ATOSA: variants seen among roughly 807,000 people sequenced by gnomAD.
ATOSA encodes the protein atos homolog protein A.
chr15:52,610,178 TA>T, the ATOSA span: 1 of 1,614,034 alleles, frequency 6.2e-7, no homozygotes, highest in Non-Finnish European at 8.5e-7. Context: ...TGATGAGTTT[TA>T]AGTTTATGTT....
chr15:52,591,153 A>C, the ATOSA span, among the ~76,000 whole-genome samples: 1 of 152,208 alleles, frequency 6.6e-6, no homozygotes, highest in Non-Finnish European at 1.5e-5. Flanking sequence ...ATTTTCAGCC[A>C]GTTTACTCTT....
chr15:52,672,718 C>A, the ATOSA span, among the ~76,000 whole-genome samples: 2 of 152,148 alleles, frequency 1.3e-5, no homozygotes, highest in African/African-American at 4.8e-5. Context: ...AAGAGAAAAT[C>A]AATTTTTAAG....
At chr15:52,639,513 T>C in the ATOSA span, among the ~76,000 whole-genome samples, 1 of 152,238 alleles carries the variant, frequency 6.6e-6, no homozygotes, top group East Asian at 1.9e-4. Flanking sequence ...TTTAGCATTC[T>C]ATAAATACAA....
At chr15:52,670,077 T>C in the ATOSA span, among the ~76,000 whole-genome samples, 1 of 152,216 alleles carries the variant, frequency 6.6e-6, no homozygotes, top group Non-Finnish European at 1.5e-5. Context: ...ACTTTCCCTC[T>C]CCATTGCATT....
At chr15:52,604,283 A>G in the ATOSA span, among the ~76,000 whole-genome samples, 1,892 of 152,334 alleles carry the variant, frequency 0.012, 18 homozygotes, top group Non-Finnish European at 0.019. Context: ...AACAAAATCC[A>G]TTTGGAATTT....
the ATOSA span, chr15:52,658,652 G>C: frequency 2.5e-6 from 1 of 397,300 alleles, no homozygotes; most frequent in Non-Finnish European, 4.4e-6. Flanking sequence ...TCAAAATATA[G>C]GAGACCACCA....
the ATOSA span, among the ~76,000 whole-genome samples, chr15:52,675,479 T>A: frequency 3.3e-5 from 5 of 152,228 alleles, no homozygotes; most frequent in Non-Finnish European, 1.5e-5. Context: ...TTGTATTTAT[T>A]TAGAAACTTT....
chr15:52,586,574 T>G, the ATOSA span: 6 of 152,366 alleles, frequency 3.9e-5, no homozygotes, highest in Non-Finnish European at 7.3e-5. Context: ...AATATCAGAT[T>G]ATTCTTCTGA....
chr15:52,614,922 G>A, the ATOSA span, among the ~76,000 whole-genome samples: 1 of 152,080 alleles, frequency 6.6e-6, no homozygotes, highest in African/African-American at 2.4e-5. Context: ...ATAGCTAAAA[G>A]GTTAAAATGT....
the ATOSA span, among the ~76,000 whole-genome samples, chr15:52,594,849 T>G: frequency 6.6e-6 from 1 of 152,172 alleles, no homozygotes; most frequent in Admixed American, 6.5e-5. Context: ...TCTTTTTCTT[T>G]TTTTGAAAAA....
chr15:52,643,691 G>A, the ATOSA span, among the ~76,000 whole-genome samples: 5 of 151,912 alleles, frequency 3.3e-5, no homozygotes, highest in Non-Finnish European at 4.4e-5. Context: ...CGAGGCAGGC[G>A]GATCACAAGG....
At chr15:52,601,209 T>TAA in the ATOSA span, 10 of 1,276,550 alleles carry the variant, frequency 7.8e-6, no homozygotes, top group Non-Finnish European at 1.1e-5. Context: ...AAAAAACTGT[T>TAA]AATTTTTTTC....
chr15:52,613,532 A>C, the ATOSA span: 3 of 991,408 alleles, frequency 3.0e-6, no homozygotes, highest in Non-Finnish European at 4.3e-6. Flanking sequence ...GCTATGGTCC[A>C]GGATTTGGAT....
the ATOSA span, among the ~76,000 whole-genome samples, chr15:52,612,062 G>A: frequency 6.6e-6 from 1 of 152,234 alleles, no homozygotes; most frequent in African/African-American, 2.4e-5. Context: ...TCGGCTCACT[G>A]CAACCTCTGC....
At chr15:52,683,033 G>A in the ATOSA span, among the ~76,000 whole-genome samples, 1 of 152,160 alleles carries the variant, frequency 6.6e-6, no homozygotes, top group African/African-American at 2.4e-5. Flanking sequence ...GTCCCAGTCT[G>A]CGTAAGTGTC....
At chr15:52,650,839 C>T in the ATOSA span, among the ~76,000 whole-genome samples, 1 of 152,160 alleles carries the variant, frequency 6.6e-6, no homozygotes, top group Non-Finnish European at 1.5e-5. Context: ...AATACGGATC[C>T]TTCGTAAAAT....
the ATOSA span, among the ~76,000 whole-genome samples, chr15:52,591,313 C>T: frequency 6.6e-6 from 1 of 152,226 alleles, no homozygotes; most frequent in African/African-American, 2.4e-5. Flanking sequence ...TCACTGCAAC[C>T]TCTGCCTCCC....
chr15:52,612,289 T>C, the ATOSA span, among the ~76,000 whole-genome samples: 12 of 152,136 alleles, frequency 7.9e-5, no homozygotes, highest in African/African-American at 1.7e-4. Context: ...CCCTGCTGTA[T>C]TGAACATTTA....
At chr15:52,696,378 A>C in the ATOSA span, among the ~76,000 whole-genome samples, 8 of 152,118 alleles carry the variant, frequency 5.3e-5, no homozygotes, top group Non-Finnish European at 1.2e-4. Flanking sequence ...ATTCAGGCTT[A>C]TCTGGATCAT....
Sources: gnomAD v4.1 joint callset for allele counts (sites outside exome capture counted in the v4.1 genomes callset) on GRCh38, gnomAD v4.1.1 for gene constraint, MANE v1.5 for transcripts, NCBI Gene and HGNC (gene_info 2026-07-23, HGNC 2026-07-21) for gene names.